Variants in CACNA1D observed in about 807,000 individuals in gnomAD.
The protein encoded by CACNA1D is voltage-dependent L-type calcium channel subunit alpha-1D.
CACNA1D carries 55 observed loss-of-function variants against 257.1 expected under a neutral mutation model. The observed-to-expected ratio is 0.21, with a 90% CI of 0.17 to 0.27. CACNA1D has a LOEUF of 0.27. Among genes scored for constraint, CACNA1D ranks in the 10% least tolerant of loss-of-function variants. CACNA1D has a pLI of 1.00. For synonymous variants in CACNA1D, 980 were observed against 1,014.9 expected, an observed-to-expected ratio of 0.97 and a Z score of 0.65; for missense variants, 1,876 against 2,784.0, an observed-to-expected ratio of 0.67 and a Z score of 7.34.
intron 8 of CACNA1D, among the ~76,000 whole-genome samples, chr3:53,676,195 C>G (rs1472691756): frequency 6.6e-6 from 1 of 152,146 alleles, no homozygotes; most frequent in Non-Finnish European, 1.5e-5. Flanking sequence ...GCTCTGTGAG[C>G]TGCACTAGAG....
chr3:53,713,207 C>T lies in CACNA1D; in HGVS notation c.1391-5094C>T, dbSNP rs115892352. On this transcript the variant is annotated intron_variant, in intron 9 of 47. Coordinates refer to ENST00000350061, the MANE Select transcript of CACNA1D (RefSeq NM_001128840.3). The stretch of plus-strand genomic sequence containing the variant: ...GTAGTAAAACCAGCCAGCATGTGGG[C>T]GTTTCTGCCTTCCTGCAGTTATAGC... Among the ~76,000 whole-genome samples, 504 of 152,282 alleles carry T rather than the reference C, an allele frequency of 3.3e-3. 3 individuals carry two copies. The highest frequency in any genetic ancestry group is 0.011 in the African/African-American group (463 of 41,550).
chr3:53,498,097 A>G (rs956613034), intron 2 of CACNA1D, among the ~76,000 whole-genome samples: 17 of 152,108 alleles, frequency 1.1e-4, no homozygotes, highest in Admixed American at 6.5e-4. Flanking sequence ...TCCTTTTGAC[A>G]AGTTCCAAAG....
At position 53,730,175 on chromosome 3, in the gene CACNA1D, T is replaced by A. The variant is rs75331462; in HGVS notation, c.2222-267T>A. ...ACACACACACAGAGAAAGGTTGAAATTAGTGGGTTTTCATGGGTTTTAGTG... is the reference window on the plus strand; with the variant it reads ...ACACACACACAGAGAAAGGTTGAAAATAGTGGGTTTTCATGGGTTTTAGTG... On this transcript the variant is annotated intron_variant, in intron 15 of 47. Transcript: ENST00000350061. Among the ~76,000 whole-genome samples, 3,585 of 152,256 alleles carry A rather than the reference T, an allele frequency of 0.024. 125 individuals carry two copies. Among genetic ancestry groups the A allele is most frequent in the African/African-American group, 0.082 (3,398 of 41,524 alleles).
intron 3 of CACNA1D, among the ~76,000 whole-genome samples, chr3:53,623,333 G>A (rs1252188588): frequency 6.6e-6 from 1 of 152,222 alleles, no homozygotes; most frequent in South Asian, 2.1e-4. Context: ...ACATGTGTCA[G>A]GGTTTAGGGG....
intron 2 of CACNA1D, among the ~76,000 whole-genome samples, chr3:53,498,289 G>T (rs542373455): frequency 2.0e-5 from 3 of 152,234 alleles, no homozygotes; most frequent in East Asian, 3.9e-4. Flanking sequence ...TGTCTCCTTT[G>T]TATTTTTAAA....
At chr3:53,574,094 C>T (rs1175717630) in intron 3 of CACNA1D, among the ~76,000 whole-genome samples, 1 of 152,090 alleles carries the variant, frequency 6.6e-6, no homozygotes, top group Non-Finnish European at 1.5e-5. Flanking sequence ...GAGTCTGAGC[C>T]CCATCTCAGG....
chr3:53,772,007 C>T (rs1034459202), intron 32 of CACNA1D, among the ~76,000 whole-genome samples: 3 of 152,220 alleles, frequency 2.0e-5, no homozygotes, highest in Admixed American at 6.5e-5. Context: ...GTAGAGAAAG[C>T]GGGTGCTTTA....
At chr3:53,666,104 A>G (rs2094259565) in intron 6 of CACNA1D, among the ~76,000 whole-genome samples, 1 of 152,204 alleles carries the variant, frequency 6.6e-6, no homozygotes, top group African/African-American at 2.4e-5. Flanking sequence ...CCTAAGGAGG[A>G]TGCTGTAAGC....
chr3:53,639,857 TA>T lies in CACNA1D; in HGVS notation c.484-10921del, dbSNP rs1299320085. 8.5e-5 allele frequency among the ~76,000 whole-genome samples: 12 copies of T among 141,030 alleles called. No individual in the cohort carries two copies. The East Asian group carries it at 2.1e-3, about 25-fold the overall frequency. The allele number at this position is 141,030 out of a possible 152,430, so 92.5% of individuals were successfully genotyped here. On this transcript the variant is annotated intron_variant, in intron 3 of 47. Coordinates refer to ENST00000350061, the MANE Select transcript of CACNA1D (RefSeq NM_001128840.3). ...CATTTTGAAATGTTCACTCATTTCT[TA>T]CTTTTTTTTTTTTTTTTTTTTTTGA... is the stretch of plus-strand genomic sequence containing the variant.
rs1345175949 is a variant in CACNA1D at position 53,691,165 on chromosome 3, G to T, written c.1221-11476G>T. On this transcript the variant is annotated intron_variant, in intron 8 of 47. Coordinates refer to ENST00000350061, the MANE Select transcript of CACNA1D (RefSeq NM_001128840.3). ...AGAATACCTCTTTTTTTTTTTTTGGGGGGGAGATGGAGTCTTGCTCTTGGA... is the reference window on the plus strand; with the variant it reads ...AGAATACCTCTTTTTTTTTTTTTGGTGGGGAGATGGAGTCTTGCTCTTGGA... Among the ~76,000 whole-genome samples the T allele has an allele frequency of 5.8e-3, 848 of 146,042 alleles. 7 individuals are homozygous for T. Among genetic ancestry groups the T allele is most frequent in the African/African-American group, 0.021 (796 of 37,136 alleles).
chr3:53,809,300 G>C (rs2095583899), intron 46 of CACNA1D: 1 of 168,478 alleles, frequency 5.9e-6, no homozygotes, highest in African/African-American at 2.4e-5. Flanking sequence ...AGAGGGTGGG[G>C]CCGGAGCCCA....
intron 8 of CACNA1D, among the ~76,000 whole-genome samples, chr3:53,678,591 T>C (rs1464888964): frequency 6.6e-6 from 1 of 152,192 alleles, no homozygotes; most frequent in East Asian, 1.9e-4. Flanking sequence ...GTTTATGTTT[T>C]TGAATCTCGC....
At chr3:53,710,837 A>AT (rs75701207) in intron 9 of CACNA1D, among the ~76,000 whole-genome samples, 4,528 of 151,712 alleles carry the variant, frequency 0.03, 90 homozygotes, top group East Asian at 0.093. Context: ...TATTTGATTG[A>AT]TTTTTTTTTC....
intron 43 of CACNA1D, among the ~76,000 whole-genome samples, 160 bp from the exon 44 acceptor site, chr3:53,803,263 T>G (rs1380471532): frequency 6.6e-6 from 1 of 152,186 alleles, no homozygotes. Context: ...CACGGTGCTG[T>G]TGCCAGAAGC....
At chr3:53,685,660 C>T (rs975368592) in intron 8 of CACNA1D, among the ~76,000 whole-genome samples, 13 of 152,128 alleles carry the variant, frequency 8.5e-5, no homozygotes, top group African/African-American at 3.1e-4. Flanking sequence ...AAGCCAATAA[C>T]AGGCTGTTTA....
In CACNA1D at chr3:53,771,614, C is replaced by A. The variant is rs888583938; in HGVS notation, c.4044+1062C>A. The stretch of plus-strand genomic sequence containing the variant: ...CCTTGAACTTGCTAAGGCACAGAAT[C>A]CTCGACAGTTATTATTCATTTAAAG... On this transcript the variant is annotated intron_variant, in intron 32 of 47. Coordinates refer to ENST00000350061, the MANE Select transcript of CACNA1D (RefSeq NM_001128840.3). 6.6e-5 allele frequency among the ~76,000 whole-genome samples: 10 copies of A among 152,342 alleles called. No homozygotes were observed. In the East Asian group the frequency reaches 1.9e-3, roughly 29 times the overall value.
chr3:53,553,063 G>T (rs866530476), intron 3 of CACNA1D, among the ~76,000 whole-genome samples: 2 of 152,180 alleles, frequency 1.3e-5, no homozygotes, highest in African/African-American at 4.8e-5. Context: ...CTACCTGCAC[G>T]TGCATGAAAG....
intron 3 of CACNA1D, among the ~76,000 whole-genome samples, chr3:53,574,333 C>A (rs533305052): frequency 2.3e-3 from 353 of 152,294 alleles, no homozygotes; most frequent in African/African-American, 8.2e-3. Flanking sequence ...TCCTTTGAAC[C>A]CTTCTCACCG....
intron 3 of CACNA1D, among the ~76,000 whole-genome samples, chr3:53,548,872 A>T (rs984975368): frequency 8.5e-5 from 13 of 152,226 alleles, no homozygotes; most frequent in African/African-American, 2.9e-4. Context: ...GCTGAGTGGT[A>T]GAGAAGATGA....
Sources: gnomAD v4.1 joint callset for allele counts (sites outside exome capture counted in the v4.1 genomes callset) on GRCh38, gnomAD v4.1.1 for gene constraint, MANE v1.5 for transcripts, NCBI Gene and HGNC (gene_info 2026-07-23, HGNC 2026-07-21) for gene names.